The following ASH1L variants were observed in gnomAD, a reference collection of about 807,000 sequenced individuals.
The protein encoded by ASH1L is histone-lysine N-methyltransferase ASH1L.
A neutral mutation model predicts 269.0 loss-of-function variants in ASH1L; 23 were observed. The observed-to-expected ratio is 0.09, with a 90% confidence interval of 0.06 to 0.12. ASH1L has a LOEUF of 0.12. Ranked by LOEUF, ASH1L falls within the 10% of genes least tolerant of loss-of-function variation. The probability of loss-of-function intolerance (pLI) is 1.00; values close to 1 mark genes in which losing one functional copy is unlikely to be tolerated. For missense variants in ASH1L, 2,912 were observed against 3,567.8 expected (o/e 0.82, Z 4.68); for synonymous variants, 1,187 against 1,253.5 (o/e 0.95, Z 1.12).
chr1:155,472,895 G>A (rs1665213784), intron 3 of ASH1L, among the ~76,000 whole-genome samples: 1 of 152,104 alleles, frequency 6.6e-6, no homozygotes, highest in Non-Finnish European at 1.5e-5. Context: ...TTTAAATACT[G>A]CAGTTCCTCA....
intron 2 of ASH1L, among the ~76,000 whole-genome samples, chr1:155,508,763 A>G (rs1667979961): frequency 6.6e-6 from 1 of 152,230 alleles, no homozygotes; most frequent in Admixed American, 6.5e-5. Flanking sequence ...AACTCAAACC[A>G]GCATAAAATA....
At chr1:155,390,995 G>A (rs1657885604) in intron 7 of ASH1L, among the ~76,000 whole-genome samples, 1 of 151,318 alleles carries the variant, frequency 6.6e-6, no homozygotes, top group Non-Finnish European at 1.5e-5. Context: ...GCCCAGGCTG[G>A]AGTACAGTGG....
chr1:155,497,247 T>C (rs1325656244), intron 2 of ASH1L, among the ~76,000 whole-genome samples: 1 of 152,216 alleles, frequency 6.6e-6, no homozygotes, highest in African/African-American at 2.4e-5. Context: ...AAGCATTAGT[T>C]AGTCACAACA....
In ASH1L at chr1:155,357,377, T is replaced by C; in HGVS notation, c.6994A>G (p.Ile2332Val). 3 of 1,614,032 alleles carry C rather than the reference T, an allele frequency of 1.9e-6. No individual in the cohort carries two copies. The highest frequency in any genetic ancestry group is 2.5e-6 in the Non-Finnish European group (3 of 1,179,986). Residue 2332 changes from isoleucine to valine, a missense_variant, in exon 15 of 28, where the codon ATC becomes GTC. Transcript: ENST00000392403. ...GGGGTCAATCTAGTTGGGGTGTTGATATTTTCACTGGGTTCCTCAGAGAGA... is the reference window on the plus strand; with the variant it reads ...GGGGTCAATCTAGTTGGGGTGTTGACATTTTCACTGGGTTCCTCAGAGAGA... ...GHLSEEPSEN[I>V]NTPTRLTPQL... is the part of the protein sequence containing the mutation.
intron 2 of ASH1L, among the ~76,000 whole-genome samples, chr1:155,504,568 T>A (rs1667699985): frequency 6.6e-6 from 1 of 151,972 alleles, no homozygotes; most frequent in Non-Finnish European, 1.5e-5. Flanking sequence ...TGTTAGTATT[T>A]ACTGGCTGGG....
chr1:155,536,506 T>C (rs1395697311), intron 1 of ASH1L, among the ~76,000 whole-genome samples: 1 of 152,166 alleles, frequency 6.6e-6, no homozygotes, highest in Non-Finnish European at 1.5e-5. Flanking sequence ...GTCAGCAAAA[T>C]CTGTCAGCTT....
At chr1:155,476,031 T>C (rs937858201) in intron 3 of ASH1L, among the ~76,000 whole-genome samples, 2 of 152,160 alleles carry the variant, frequency 1.3e-5, no homozygotes, top group Non-Finnish European at 2.9e-5. Context: ...TCAGTAACTA[T>C]TACTGATTAA....
chr1:155,400,561 T>C (rs1436424395), intron 6 of ASH1L, among the ~76,000 whole-genome samples: 3 of 152,174 alleles, frequency 2.0e-5, no homozygotes, highest in Non-Finnish European at 4.4e-5. Flanking sequence ...AATCAATAAC[T>C]TGCCCAAATT....
At chr1:155,349,707 G>C in intron 17 of ASH1L, 111 bp from the exon 18 acceptor site, 117 of 422,672 alleles carry the variant, frequency 2.8e-4, no homozygotes, top group Non-Finnish European at 4.1e-4. Flanking sequence ...AAAAATCCAA[G>C]TCTTTTTTTT....
At chr1:155,416,370 T>C (rs112833193) in intron 5 of ASH1L, among the ~76,000 whole-genome samples, 8,121 of 152,160 alleles carry the variant, frequency 0.053, 730 homozygotes, top group African/African-American at 0.19. Flanking sequence ...CCACCTGCCT[T>C]GGCCTCCCAA....
At chr1:155,537,357 T>C (rs1354367118) in intron 1 of ASH1L, among the ~76,000 whole-genome samples, 2 of 152,236 alleles carry the variant, frequency 1.3e-5, no homozygotes, top group African/African-American at 2.4e-5. Flanking sequence ...TTATCTATCT[T>C]AGTCCTACTA....
intron 12 of ASH1L, among the ~76,000 whole-genome samples, chr1:155,368,741 C>T (rs1366854548): frequency 6.6e-6 from 1 of 152,212 alleles, no homozygotes; most frequent in Non-Finnish European, 1.5e-5. Context: ...AGGCGTGAGC[C>T]ACTGTGCCCG....
At chr1:155,522,685 A>C (rs1268327780) in intron 1 of ASH1L, among the ~76,000 whole-genome samples, 3 of 150,824 alleles carry the variant, frequency 2.0e-5, no homozygotes, top group Non-Finnish European at 4.4e-5. Flanking sequence ...GAGATTAGTG[A>C]ATTTTTTTTT....
intron 2 of ASH1L, among the ~76,000 whole-genome samples, chr1:155,484,537 T>A (rs1280052721): frequency 6.6e-6 from 1 of 152,076 alleles, no homozygotes; most frequent in African/African-American, 2.4e-5. Context: ...GAAAATTAGT[T>A]ATATAAGTAT....
At chr1:155,447,254 A>G (rs532533761) in intron 4 of ASH1L, among the ~76,000 whole-genome samples, 10 of 152,106 alleles carry the variant, frequency 6.6e-5, no homozygotes, top group Non-Finnish European at 8.8e-5. Context: ...GCTTTTTTTT[A>G]AAAACCATGA....
chr1:155,414,971 G>C (rs1467535916), intron 6 of ASH1L, among the ~76,000 whole-genome samples: 1 of 152,090 alleles, frequency 6.6e-6, no homozygotes, highest in Non-Finnish European at 1.5e-5. Context: ...TTATTCATCT[G>C]ACAAAGCTCA....
At position 155,554,552 on chromosome 1, in the gene ASH1L, G is replaced by A. The variant is rs554146152; in HGVS notation, c.-100+7601C>T. ...CTCCCAAAGTGCTGGGATTACAGGC[G>A]TGAGCCACCATGCCCAGCCTGAATT... On this transcript the variant is annotated intron_variant, in intron 1 of 27. Transcript: ENST00000392403. 3.1e-4 allele frequency among the ~76,000 whole-genome samples: 47 copies of A among 152,226 alleles called. 3 individuals carry two copies. The South Asian group carries it at 8.1e-3, about 26-fold the overall frequency.
At chr1:155,533,120 T>C (rs115665459) in intron 1 of ASH1L, among the ~76,000 whole-genome samples, 3,375 of 151,990 alleles carry the variant, frequency 0.022, 116 homozygotes, top group African/African-American at 0.077. Flanking sequence ...CATGCTTTGA[T>C]GGAACACTAT....
chr1:155,388,073 T>A (rs987653865), intron 7 of ASH1L, among the ~76,000 whole-genome samples: 9 of 152,238 alleles, frequency 5.9e-5, no homozygotes, highest in Non-Finnish European at 1.3e-4. Context: ...CTGGTGTAAG[T>A]TTGAGAGAGG....
Sources: gnomAD v4.1 joint callset for allele counts (sites outside exome capture counted in the v4.1 genomes callset) on GRCh38, gnomAD v4.1.1 for gene constraint, MANE v1.5 for transcripts, NCBI Gene and HGNC (gene_info 2026-07-23, HGNC 2026-07-21) for gene names.